The following LAMA4 variants were observed in gnomAD, a reference collection of about 807,000 sequenced individuals.
The protein encoded by LAMA4 is laminin subunit alpha-4.
Under a neutral mutation model 207.1 loss-of-function variants are expected in LAMA4, and 127 were observed. The observed-to-expected ratio is 0.61, with a 90% CI of 0.53 to 0.71. LAMA4 has a LOEUF of 0.71. Among genes scored for constraint, LAMA4 ranks in the 30% least tolerant of loss-of-function variants. The pLI, the probability that LAMA4 is intolerant of heterozygous loss-of-function variation, is 0.00. For synonymous variants in LAMA4, 761 were observed against 816.0 expected, an observed-to-expected ratio of 0.93 and a Z score of 1.15; for missense variants, 2,093 against 2,246.5, an observed-to-expected ratio of 0.93 and a Z score of 1.38.
Position 112,109,381 on chromosome 6 carries a change from G to C in LAMA4, c.*56C>G. The stretch of plus-strand genomic sequence containing the variant: ...GTTACTGTTCCTCCTGGCTGGCTTT[G>C]TGTTTCTTTCAGTGCTCTAAAGAAC... On this transcript the variant is annotated 3_prime_UTR_variant, in exon 39 of 39. Transcript: ENST00000230538. 6.2e-7 allele frequency: 1 copy of C among 1,603,280 alleles called. No individual in the cohort carries two copies. Among genetic ancestry groups the C allele is most frequent in the Non-Finnish European group, 8.5e-7 (1 of 1,172,480 alleles).
intron 35 of LAMA4, among the ~76,000 whole-genome samples, chr6:112,116,262 T>C (rs1226152782): frequency 3.9e-5 from 6 of 152,048 alleles, no homozygotes; most frequent in Admixed American, 3.9e-4. Flanking sequence ...GAGGAGAAAT[T>C]AATTCCAAGT....
At position 112,108,828 on chromosome 6, in the gene LAMA4, T is replaced by C. The variant is rs1463494963; in HGVS notation, c.*609A>G. On this transcript the variant is annotated 3_prime_UTR_variant, in exon 39 of 39. Transcript: ENST00000230538. ...GGAAAAAGTAGTTGATTTCCTGTGT[T>C]TCTTATTTAGAAAAAATTAAATTAT... The C allele has an allele frequency of 6.6e-6, 1 of 152,502 alleles. No individual in the cohort carries two copies. The highest frequency in any genetic ancestry group is 1.5e-5 in the Non-Finnish European group (1 of 68,258). The allele number at this position is 152,502 out of a possible 1,614,324, so 9.4% of individuals were successfully genotyped here.
At chr6:112,222,820 A>G (rs1428956450) in intron 2 of LAMA4, among the ~76,000 whole-genome samples, 1 of 152,210 alleles carries the variant, frequency 6.6e-6, no homozygotes, top group Non-Finnish European at 1.5e-5. Context: ...TATTTGTCTA[A>G]TTGAAACAAT....
chr6:112,216,349 T>C lies in LAMA4; in HGVS notation c.297+19A>G. 1 of 1,518,868 alleles carries C rather than the reference T, an allele frequency of 6.6e-7. No individual in the cohort carries two copies. Among genetic ancestry groups the C allele is most frequent in the Non-Finnish European group, 9.1e-7 (1 of 1,093,286 alleles). The allele number at this position is 1,518,868 out of a possible 1,614,324, so 94.1% of individuals were successfully genotyped here. On this transcript the variant is annotated intron_variant, in intron 3 of 38. Coordinates refer to ENST00000230538, the MANE Select transcript of LAMA4 (RefSeq NM_001105206.3). Reference sequence around the variant, plus strand: ...ATGCCCAGTGAAGTACGTGAAGTGTTATAGGTGCCCCAACTTACCACACAG... The same window carrying C: ...ATGCCCAGTGAAGTACGTGAAGTGTCATAGGTGCCCCAACTTACCACACAG...
chr6:112,151,643 T>C (rs192483105), intron 16 of LAMA4, among the ~76,000 whole-genome samples: 2 of 152,272 alleles, frequency 1.3e-5, no homozygotes, highest in Admixed American at 6.5e-5. Context: ...AACACTGTTA[T>C]TTTTAAAAGT....
intron 28 of LAMA4, among the ~76,000 whole-genome samples, chr6:112,132,529 C>T (rs1330736749): frequency 6.6e-6 from 1 of 152,120 alleles, no homozygotes; most frequent in Non-Finnish European, 1.5e-5. Context: ...TGAATTCTAT[C>T]CATGAACCCT....
chr6:112,152,449 C>T (rs12192292), intron 16 of LAMA4, among the ~76,000 whole-genome samples: 33,974 of 151,956 alleles, frequency 0.22, 4,041 homozygotes, highest in East Asian at 0.34. Context: ...TATCTTTGAG[C>T]AAATCCCAAC....
In LAMA4 at chr6:112,172,604, G is replaced by A. The variant is rs373362483; in HGVS notation, c.1551+7C>T. 9.9e-6 allele frequency: 16 copies of A among 1,612,006 alleles called. No homozygotes were observed. Among genetic ancestry groups the A allele is most frequent in the African/African-American group, 2.7e-5 (2 of 74,852 alleles). On this transcript the variant is annotated splice_region_variant and intron_variant, in intron 12 of 38. Coordinates refer to ENST00000230538, the MANE Select transcript of LAMA4 (RefSeq NM_001105206.3). ...TGAAATGCATTGATGGTGAGTGTCC[G>A]CTGTACCTCATGGTCCCGCTGCCTG...
chr6:112,134,281 C>T (rs1554330794), intron 26 of LAMA4, among the ~76,000 whole-genome samples, 186 bp downstream of exon 26: 2 of 152,150 alleles, frequency 1.3e-5, no homozygotes, highest in East Asian at 1.9e-4. Context: ...CTATGCGATG[C>T]TAATTTCAGG....
At chr6:112,141,244 A>G in intron 21 of LAMA4, 114 bp downstream of exon 21, 1 of 1,052,724 alleles carries the variant, frequency 9.5e-7, no homozygotes, top group Admixed American at 1.7e-5. Flanking sequence ...AATGCTATTT[A>G]TAACATCCAC....
intron 33 of LAMA4, 120 bp from the exon 34 acceptor site, chr6:112,119,431 A>G: frequency 9.3e-7 from 1 of 1,077,480 alleles, no homozygotes; most frequent in East Asian, 2.4e-5. Flanking sequence ...CAGAAAGTTT[A>G]TTTTTAAAAT....
chr6:112,109,664 T>C (rs1332572717), intron 38 of LAMA4, 82 bp from the exon 39 acceptor site: 4 of 1,341,946 alleles, frequency 3.0e-6, no homozygotes, highest in Non-Finnish European at 4.2e-6. Flanking sequence ...AAAGTATACA[T>C]ATTTGCTCAT....
At chr6:112,140,644 C>A in intron 22 of LAMA4, 116 bp downstream of exon 22, 1 of 902,344 alleles carries the variant, frequency 1.1e-6, no homozygotes, top group South Asian at 1.4e-5. Flanking sequence ...TCTACTCCCC[C>A]ATGAACTAAG....
rs59700559 is a variant in LAMA4 at position 112,130,300 on chromosome 6, T to TG, written c.3969-261_3969-260insC. 8.4e-3 allele frequency: 3,209 copies of TG among 381,992 alleles called. 27 individuals carry two copies. The highest frequency in any genetic ancestry group is 0.021 in the African/African-American group (1,003 of 46,748). 23.7% of individuals were successfully genotyped at this position (381,992 alleles called of 1,614,324 possible). A position where few individuals can be genotyped will look rare whatever the true frequency, so the allele number is the denominator to read the frequency against. On this transcript the variant is annotated intron_variant, in intron 29 of 38. Transcript: ENST00000230538. ...AGATGACTAGTCATCAGCATTATTT[T>TG]TGTGTGTGTGTGTGTGTGTGTGTGT...
intron 9 of LAMA4, chr6:112,178,594 T>A (rs1782163520): frequency 6.9e-6 from 2 of 290,056 alleles, no homozygotes; most frequent in South Asian, 7.1e-5. Context: ...TCCCTGCAAG[T>A]CCCCAAAGTC....
rs146320840 is a variant in LAMA4 at position 112,208,431 on chromosome 6, G to A, written c.298-1286C>T. ...ACTTAATTCTCACAACAATCCTGAA[G>A]TAGGTTCCTATTTCCCCTGCCACCC... is the stretch of plus-strand genomic sequence containing the variant. On this transcript the variant is annotated intron_variant, in intron 3 of 38. Transcript: ENST00000230538. Among the ~76,000 whole-genome samples, 234 of 152,262 alleles carry A rather than the reference G, an allele frequency of 1.5e-3. 1 individual carries two copies. Among genetic ancestry groups the A allele is most frequent in the African/African-American group, 4.6e-3 (190 of 41,534 alleles).
At chr6:112,151,228 C>T (rs1583727043) in intron 16 of LAMA4, among the ~76,000 whole-genome samples, 3 of 152,188 alleles carry the variant, frequency 2.0e-5, no homozygotes, top group African/African-American at 7.2e-5. Context: ...CTGTTTGTGT[C>T]TGTTTTTAAA....
chr6:112,137,535 T>C (rs1779425981), intron 24 of LAMA4, among the ~76,000 whole-genome samples: 1 of 152,244 alleles, frequency 6.6e-6, no homozygotes, highest in Non-Finnish European at 1.5e-5. Flanking sequence ...TATGTGTGGC[T>C]TCCCAAGAGG....
intron 19 of LAMA4, among the ~76,000 whole-genome samples, chr6:112,143,113 G>A (rs1466394645): frequency 6.6e-6 from 1 of 152,048 alleles, no homozygotes; most frequent in African/African-American, 2.4e-5. Context: ...ACAAGTGTAT[G>A]GATTGTGTAT....
Sources: gnomAD v4.1 joint callset for allele counts (sites outside exome capture counted in the v4.1 genomes callset) on GRCh38, gnomAD v4.1.1 for gene constraint, MANE v1.5 for transcripts, NCBI Gene and HGNC (gene_info 2026-07-23, HGNC 2026-07-21) for gene names.